The following NCDN variants were observed in gnomAD, a reference collection of about 807,000 sequenced individuals.
NCDN encodes neurochondrin, also known as norbin.
NCDN carries 9 observed loss-of-function variants against 60.7 expected under a neutral mutation model. The observed-to-expected ratio is 0.15, with a 90% confidence interval of 0.09 to 0.26. The LOEUF is 0.26. Ranked by LOEUF, NCDN falls within the 10% of genes least tolerant of loss-of-function variation. The probability of loss-of-function intolerance (pLI) is 1.00; values close to 1 mark genes in which losing one functional copy is unlikely to be tolerated. For missense variants in NCDN, 578 were observed against 975.2 expected, an observed-to-expected ratio of 0.59 and a Z score of 5.42; for synonymous variants, 409 against 442.5, an observed-to-expected ratio of 0.92 and a Z score of 0.95.
rs1162767130 is a variant in NCDN at position 35,558,237 on chromosome 1, G to A, written c.33+14G>A. 1 of 1,613,982 alleles carries A rather than the reference G, an allele frequency of 6.2e-7. No individual in the cohort carries two copies. The highest frequency in any genetic ancestry group is 1.1e-5 in the South Asian group (1 of 91,080). On this transcript the variant is annotated intron_variant, in intron 1 of 6. Coordinates refer to ENST00000373243, the MANE Select transcript of NCDN (RefSeq NM_014284.3). This position sits in a 1 kb window ranked among gnomAD's most constrained non-coding sequence, Gnocchi z 6.3. ...GCGGCGGGACAGGTGGTGACCGCCA[G>A]GAACCCTCCTCCCCTTCTCATCTCC...
Position 35,561,178 on chromosome 1 carries a change from T to C in NCDN, c.1027T>C (p.Leu343=), listed in dbSNP as rs147290531. Residue 343 remains leucine, a synonymous_variant, in exon 3 of 7, where the codon TTG becomes CTG. Coordinates refer to ENST00000373243, the MANE Select transcript of NCDN (RefSeq NM_014284.3). This position sits in a 1 kb window ranked among gnomAD's most constrained non-coding sequence, Gnocchi z 4.9. ...GACCGCCTGCTATGCCCTCATGGAG[T>C]TGGGGATCCAGGAATGCACTCGCTG... is the stretch of plus-strand genomic sequence containing the variant. ...VVTACYALME[L]GIQECTRCEQ... The C allele has an allele frequency of 3.1e-5, 50 of 1,607,312 alleles. No homozygotes were observed. Among genetic ancestry groups the C allele is most frequent in the Non-Finnish European group, 3.9e-5 (46 of 1,177,120 alleles).
Position 35,565,662 on chromosome 1 carries a change from GAGGGGTGTCCACCGGGGACAGACCC to G in NCDN, c.*5_*29del, listed in dbSNP as rs1449538691. 6.5e-7 allele frequency: 1 copy of G among 1,547,984 alleles called. No homozygotes were observed. Among genetic ancestry groups the G allele is most frequent in the Non-Finnish European group, 8.7e-7 (1 of 1,153,902 alleles). On this transcript the variant is annotated stop_retained_variant and 3_prime_UTR_variant, in exon 7 of 7. Coordinates refer to ENST00000373243, the MANE Select transcript of NCDN (RefSeq NM_014284.3). The surrounding 1 kb of genome is among the most constrained non-coding windows in gnomAD (Gnocchi z 8.9). ...TTGGAGCAGTGCCTGTCAGAGCCCT[GAGGGGTGTCCACCGGGGACAGACCC>G]AGGGGCGGGCAGAGAGGGAAGGAGG...
chr1:35,557,833 T>G lies in NCDN; in HGVS notation c.-358T>G, dbSNP rs1187696946. 7.3e-6 allele frequency: 4 copies of G among 549,828 alleles called. No individual in the cohort carries two copies. Among genetic ancestry groups the G allele is most frequent in the Middle Eastern group, 3.6e-4 (1 of 2,798 alleles). 34.1% of individuals were successfully genotyped at this position (549,828 alleles called of 1,614,324 possible). Reference sequence around the variant, plus strand: ...CGCGGCGTGAGCAGCGGCCCGAGGCTCCCGGAGCATCGCGCTGGGAGAAGA... The same window carrying G: ...CGCGGCGTGAGCAGCGGCCCGAGGCGCCCGGAGCATCGCGCTGGGAGAAGA... On this transcript the variant is annotated 5_prime_UTR_variant, in exon 1 of 7. Coordinates refer to ENST00000373243, the MANE Select transcript of NCDN (RefSeq NM_014284.3).
Position 35,562,669 on chromosome 1 carries a change from T to C in NCDN, c.1385+36T>C. Reference sequence around the variant, plus strand: ...AGTTACAGTCTGTCCAGCTAGATCATTCTACCGAAAAGCGTTAACACAAGG... The same window carrying C: ...AGTTACAGTCTGTCCAGCTAGATCACTCTACCGAAAAGCGTTAACACAAGG... On this transcript the variant is annotated intron_variant, in intron 4 of 6. Coordinates refer to ENST00000373243, the MANE Select transcript of NCDN (RefSeq NM_014284.3). The surrounding 1 kb of genome is among the most constrained non-coding windows in gnomAD (Gnocchi z 6.8). 6.3e-7 allele frequency: 1 copy of C among 1,588,302 alleles called. No individual in the cohort carries two copies. The highest frequency in any genetic ancestry group is 8.6e-7 in the Non-Finnish European group (1 of 1,164,890).
chr1:35,563,845 G>A lies in NCDN; in HGVS notation c.1689G>A (p.Leu563=). The A allele has an allele frequency of 6.2e-7, 1 of 1,614,132 alleles. No individual in the cohort carries two copies. Residue 563 remains leucine, a synonymous_variant, in exon 6 of 7, where the codon CTG becomes CTA. Transcript: ENST00000373243. The surrounding 1 kb of genome is among the most constrained non-coding windows in gnomAD (Gnocchi z 6.6). ...CACTAGTGCAGCAACAGGGAAGGCT[G>A]CTTCTGGCTGCTAATGTGGCCACCC... is the stretch of plus-strand genomic sequence containing the variant. The part of the protein sequence containing the change: ...LPALVQQQGR[L]LLAANVATLG...
In NCDN at chr1:35,562,368, C is replaced by T; in HGVS notation, c.1144-24C>T. The T allele has an allele frequency of 1.9e-6, 3 of 1,611,398 alleles. No homozygotes were observed. The highest frequency in any genetic ancestry group is 2.5e-6 in the Non-Finnish European group (3 of 1,178,366). Reference sequence around the variant, plus strand: ...GGGAGGGTCCCTGGTCCTGCTCCATCTCAAGGGGGTCCTGTGGCAACAGGT... The same window carrying T: ...GGGAGGGTCCCTGGTCCTGCTCCATTTCAAGGGGGTCCTGTGGCAACAGGT... On this transcript the variant is annotated intron_variant, in intron 3 of 6. Coordinates refer to ENST00000373243, the MANE Select transcript of NCDN (RefSeq NM_014284.3). This position sits in a 1 kb window ranked among gnomAD's most constrained non-coding sequence, Gnocchi z 6.8.
At position 35,558,382 on chromosome 1, in the gene NCDN, C is replaced by A; in HGVS notation, c.33+159C>A. 1 of 1,504,042 alleles carries A rather than the reference C, an allele frequency of 6.6e-7. No homozygotes were observed. 93.2% of individuals were successfully genotyped at this position (1,504,042 alleles called of 1,614,324 possible). On this transcript the variant is annotated intron_variant, in intron 1 of 6. Transcript: ENST00000373243. This position sits in a 1 kb window ranked among gnomAD's most constrained non-coding sequence, Gnocchi z 6.3. ...CGGCATCCACAGGCTGGTAGCGGGA[C>A]GGGGAGGGCGAGAAGAGGGAGCGCA...
In NCDN at chr1:35,558,791, G is replaced by C; in HGVS notation, c.34-316G>C. On this transcript the variant is annotated intron_variant, in intron 1 of 6. Transcript: ENST00000373243. This position sits in a 1 kb window ranked among gnomAD's most constrained non-coding sequence, Gnocchi z 6.3. ...GGTGCCAGGGGGACAGCTGAGCAGTGGGGCCAGCTCCCGCCCACCCCCAGG... is the reference window on the plus strand; with the variant it reads ...GGTGCCAGGGGGACAGCTGAGCAGTCGGGCCAGCTCCCGCCCACCCCCAGG... 6 of 987,730 alleles carry C rather than the reference G, an allele frequency of 6.1e-6. No homozygotes were observed. Among genetic ancestry groups the C allele is most frequent in the Non-Finnish European group, 7.9e-6 (6 of 758,930 alleles). The allele number at this position is 987,730 out of a possible 1,614,324, so 61.2% of individuals were successfully genotyped here.
chr1:35,560,373 G>T lies in NCDN; in HGVS notation c.222G>T (p.Arg74=), dbSNP rs747314524. ...GTGACATAGATGCCAAAACTCGGCG[G>T]CGGATCTTCGATGCTGTCGGCTTCA... ...KAGDIDAKTR[R]RIFDAVGFTF... The change falls in exon 3 of 7, where the codon CGG becomes CGT. Residue 74 remains arginine (R), a synonymous_variant. Transcript: ENST00000373243. The surrounding 1 kb of genome is among the most constrained non-coding windows in gnomAD (Gnocchi z 7.6). The T allele has an allele frequency of 6.2e-7, 1 of 1,614,032 alleles. No homozygotes were observed. Among genetic ancestry groups the T allele is most frequent in the South Asian group, 1.1e-5 (1 of 91,086 alleles).
At position 35,566,679 on chromosome 1, in the gene NCDN, A is replaced by T. The variant is rs188515142; in HGVS notation, c.*1016A>T. On this transcript the variant is annotated 3_prime_UTR_variant, in exon 7 of 7. Coordinates refer to ENST00000373243, the MANE Select transcript of NCDN (RefSeq NM_014284.3). The surrounding 1 kb of genome is among the most constrained non-coding windows in gnomAD (Gnocchi z 5.3). ...CACACACACACACACACACACACACACTCTTGATCCCTTGCTTCCCTCCCC... is the reference window on the plus strand; with the variant it reads ...CACACACACACACACACACACACACTCTCTTGATCCCTTGCTTCCCTCCCC... The T allele has an allele frequency of 4.7e-3, 1,870 of 396,414 alleles. 35 individuals are homozygous for T. The highest frequency in any genetic ancestry group is 0.04 in the African/African-American group (1,680 of 42,316). The allele number at this position is 396,414 out of a possible 1,614,324, so 24.6% of individuals were successfully genotyped here. A position where few individuals can be genotyped will look rare whatever the true frequency, so the allele number is the denominator to read the frequency against.
intron 1 of NCDN, 71 bp from the exon 2 acceptor site, chr1:35,559,036 T>G: frequency 1.6e-6 from 1 of 629,296 alleles, no homozygotes; most frequent in Non-Finnish European, 2.5e-6. Flanking sequence ...CCCTCCATCC[T>G]CCACTCTCAC....
chr1:35,562,559 C>A lies in NCDN; in HGVS notation c.1311C>A (p.Asp437Glu). 1 of 1,614,100 alleles carries A rather than the reference C, an allele frequency of 6.2e-7. No individual in the cohort carries two copies. The highest frequency in any genetic ancestry group is 8.5e-7 in the Non-Finnish European group (1 of 1,179,998). Residue 437 changes from aspartate to glutamate, a missense_variant, in exon 4 of 7, where the codon GAC becomes GAA. Coordinates refer to ENST00000373243, the MANE Select transcript of NCDN (RefSeq NM_014284.3). This position sits in a 1 kb window ranked among gnomAD's most constrained non-coding sequence, Gnocchi z 6.8. ...ACGAGGAGGCCGAGGAGGCCAATGA[C>A]CTTTCCCAGCAGGTGGCCAACCTGG... is the stretch of plus-strand genomic sequence containing the variant. ...TLYEEAEEANDLSQQVANLAI... is the reference protein window; with the variant it reads ...TLYEEAEEANELSQQVANLAI...
In NCDN at chr1:35,559,140, G is replaced by C. The variant is rs772444183; in HGVS notation, c.67G>C (p.Glu23Gln). Reference sequence around the variant, plus strand: ...GGCGAGCATCATGGCCTCGGATTGCGAGCCAGCTCTGAACCAGGCAGAGGG... The same window carrying C: ...GGCGAGCATCATGGCCTCGGATTGCCAGCCAGCTCTGAACCAGGCAGAGGG... ...GKASIMASDC[E>Q]PALNQAEGRN... Residue 23 changes from glutamate to glutamine, a missense_variant, in exon 2 of 7, where the codon GAG (glutamate) becomes CAG (glutamine). This residue lies in a region of NCDN where 363 missense variants were observed against 583.6 expected (regional missense o/e 0.62). Coordinates refer to ENST00000373243, the MANE Select transcript of NCDN (RefSeq NM_014284.3). 1.9e-6 allele frequency: 3 copies of C among 1,613,462 alleles called. No homozygotes were observed. The highest frequency in any genetic ancestry group is 1.7e-6 in the Non-Finnish European group (2 of 1,179,906).
rs1289860050 is a variant in NCDN at position 35,562,163 on chromosome 1, A to T, written c.1144-229A>T. 6.6e-6 allele frequency among the ~76,000 whole-genome samples: 1 copy of T among 152,204 alleles called. No individual in the cohort carries two copies. The highest frequency in any genetic ancestry group is 2.4e-5 in the African/African-American group (1 of 41,452). On this transcript the variant is annotated intron_variant, in intron 3 of 6. Coordinates refer to ENST00000373243, the MANE Select transcript of NCDN (RefSeq NM_014284.3). This position sits in a 1 kb window ranked among gnomAD's most constrained non-coding sequence, Gnocchi z 6.8. ...CAATTCACTCAGGCCCAGTTCACTCAGCAGACGTGTGTGGAGGGCCTGGCT... is the reference window on the plus strand; with the variant it reads ...CAATTCACTCAGGCCCAGTTCACTCTGCAGACGTGTGTGGAGGGCCTGGCT...
In NCDN at chr1:35,563,517, C is replaced by T; in HGVS notation, c.1610+91C>T. The T allele has an allele frequency of 7.1e-7, 1 of 1,399,338 alleles. No individual in the cohort carries two copies. The highest frequency in any genetic ancestry group is 1.3e-5 in the South Asian group (1 of 78,574). 86.7% of individuals were successfully genotyped at this position (1,399,338 alleles called of 1,614,324 possible). On this transcript the variant is annotated intron_variant, in intron 5 of 6. Transcript: ENST00000373243. This position sits in a 1 kb window ranked among gnomAD's most constrained non-coding sequence, Gnocchi z 6.6. ...AATTCTCAGTCTCCTACTTTGCCCC[C>T]CATGCCCATGGATTTGTTAGTGGTA...
At position 35,566,259 on chromosome 1, in the gene NCDN, G is replaced by T. The variant is rs12046738; in HGVS notation, c.*596G>T. 8,758 of 165,780 alleles carry T rather than the reference G, an allele frequency of 0.053. 555 individuals carry two copies. The highest frequency in any genetic ancestry group is 0.24 in the East Asian group (1,342 of 5,538). The allele number at this position is 165,780 out of a possible 1,614,324, so 10.3% of individuals were successfully genotyped here. A position where few individuals can be genotyped will look rare whatever the true frequency, so the allele number is the denominator to read the frequency against. ...GCAACCTGGGGCAGACAGGCCTGGT[G>T]GGGGGTGGGGAAACCTCCTTCCACC... On this transcript the variant is annotated 3_prime_UTR_variant, in exon 7 of 7. Coordinates refer to ENST00000373243, the MANE Select transcript of NCDN (RefSeq NM_014284.3). This position sits in a 1 kb window ranked among gnomAD's most constrained non-coding sequence, Gnocchi z 5.3.
rs1648779157 is a variant in NCDN, at chr1:35,563,692, A to C, written c.1611-75A>C. On this transcript the variant is annotated intron_variant, in intron 5 of 6. Transcript: ENST00000373243. The surrounding 1 kb of genome is among the most constrained non-coding windows in gnomAD (Gnocchi z 6.6). The stretch of plus-strand genomic sequence containing the variant: ...CCCAAAGTTAATCACCCTACTGCCT[A>C]ATTTCTTGCCAAGGGCTTGATTTGG... 1 of 1,557,888 alleles carries C rather than the reference A, an allele frequency of 6.4e-7. No individual in the cohort carries two copies. Among genetic ancestry groups the C allele is most frequent in the African/African-American group, 1.4e-5 (1 of 73,058 alleles).
Position 35,562,554 on chromosome 1 carries a change from A to G in NCDN, c.1306A>G (p.Asn436Asp). 6.2e-7 allele frequency: 1 copy of G among 1,614,076 alleles called. No individual in the cohort carries two copies. Among genetic ancestry groups the G allele is most frequent in the Non-Finnish European group, 8.5e-7 (1 of 1,179,970 alleles). ...CCTCTACGAGGAGGCCGAGGAGGCC[A>G]ATGACCTTTCCCAGCAGGTGGCCAA... is the stretch of plus-strand genomic sequence containing the variant. ...KTLYEEAEEA[N>D]DLSQQVANLA... is the part of the protein sequence containing the mutation. The change falls in exon 4 of 7, where the codon AAT (asparagine) becomes GAT (aspartate). Residue 436 changes from asparagine to aspartate, a missense_variant. Physicochemically the swap from Asn to Asp is conservative, Grantham distance 23. This residue lies in a region of NCDN where 24 missense variants were observed against 19.5 expected (regional missense o/e 1.23). Transcript: ENST00000373243. This position sits in a 1 kb window ranked among gnomAD's most constrained non-coding sequence, Gnocchi z 6.8.
Position 35,559,217 on chromosome 1 carries a change from T to C in NCDN, c.144T>C (p.Asn48=), listed in dbSNP as rs200721827. The C allele has an allele frequency of 6.2e-7, 1 of 1,614,042 alleles. No individual in the cohort carries two copies. Among genetic ancestry groups the C allele is most frequent in the East Asian group, 2.2e-5 (1 of 44,862 alleles). ...TGGGAGCCCTCCGTGAGGCCAAGAA[T>C]GACAGCGAGCAGTTTGCAGCCCTGC... is the stretch of plus-strand genomic sequence containing the variant. ...RYLGALREAK[N]DSEQFAALLL... Residue 48 remains asparagine, a synonymous_variant, in exon 2 of 7, where the codon AAT becomes AAC. Coordinates refer to ENST00000373243, the MANE Select transcript of NCDN (RefSeq NM_014284.3).
Sources: allele counts gnomAD v4.1 joint callset (sites outside exome capture counted in the v4.1 genomes callset), GRCh38; gene constraint gnomAD v4.1.1; regional missense constraint gnomAD v4.1.1; non-coding constraint Gnocchi (gnomAD v3.1); transcripts MANE v1.5; gene names NCBI Gene and HGNC (gene_info 2026-07-23, HGNC 2026-07-21).